GOLIM4: variants seen among roughly 807,000 people sequenced by gnomAD.
GOLIM4 encodes the protein golgi integral membrane protein 4, also known as 130 kDa golgi-localized phosphoprotein.
Under a neutral mutation model 107.4 loss-of-function variants are expected in GOLIM4, and 71 were observed. The ratio of observed to expected loss-of-function variants is 0.66; its 90% confidence interval spans 0.55 to 0.81. GOLIM4 has a LOEUF of 0.81. GOLIM4 is among the 30% of genes least tolerant of loss of function. The pLI, the probability that GOLIM4 is intolerant of heterozygous loss-of-function variation, is 0.00. For missense variants in GOLIM4, 830 were observed against 826.1 expected (o/e 1.00, Z -0.06); for synonymous variants, 327 against 294.8 (o/e 1.11, Z -1.12).
At chr3:168,072,041 T>C (rs1720859725) in intron 1 of GOLIM4, among the ~76,000 whole-genome samples, 1 of 152,112 alleles carries the variant, frequency 6.6e-6, no homozygotes. Flanking sequence ...GGACTCTGGA[T>C]TTCCCATAGG....
At chr3:168,094,944 C>G (rs1722093752) in intron 1 of GOLIM4, among the ~76,000 whole-genome samples, 155 bp downstream of exon 1, 1 of 152,196 alleles carries the variant, frequency 6.6e-6, no homozygotes, top group African/African-American at 2.4e-5. Flanking sequence ...CCCTGACACT[C>G]TGGTGCCGGC....
At chr3:168,064,912 G>C (rs1450360896) in intron 1 of GOLIM4, among the ~76,000 whole-genome samples, 4 of 151,248 alleles carry the variant, frequency 2.6e-5, no homozygotes, top group Non-Finnish European at 1.5e-5. Context: ...TTAGATTAAA[G>C]CTACCGAATA....
chr3:168,013,221 A>T (rs200003154), intron 14 of GOLIM4, among the ~76,000 whole-genome samples: 1 of 150,488 alleles, frequency 6.6e-6, no homozygotes, highest in Non-Finnish European at 1.5e-5. Context: ...GAAAACAAAA[A>T]AAGGCAGGGG....
intron 1 of GOLIM4, among the ~76,000 whole-genome samples, chr3:168,078,673 A>C (rs1472251172): frequency 6.6e-6 from 1 of 152,180 alleles, no homozygotes; most frequent in African/African-American, 2.4e-5. Context: ...TTTCTAAACC[A>C]GGGTTTTGTT....
intron 14 of GOLIM4, among the ~76,000 whole-genome samples, chr3:168,017,692 A>G (rs984774292): frequency 1.8e-4 from 27 of 152,338 alleles, no homozygotes; most frequent in Non-Finnish European, 3.2e-4. Context: ...CGCTGCCTAC[A>G]TACAATATAG....
At chr3:168,033,083 A>G (rs1051047876) in intron 8 of GOLIM4, among the ~76,000 whole-genome samples, 2 of 152,212 alleles carry the variant, frequency 1.3e-5, no homozygotes, top group Non-Finnish European at 1.5e-5. Flanking sequence ...AGAATACAGT[A>G]AATAACCTGG....
chr3:168,010,941 T>C lies in GOLIM4; in HGVS notation c.1861-118A>G, dbSNP rs996369858. 16 of 770,294 alleles carry C rather than the reference T, an allele frequency of 2.1e-5. No individual in the cohort carries two copies. In the East Asian group the frequency reaches 3.7e-4, roughly 18 times the overall value. The allele number at this position is 770,294 out of a possible 1,614,324, so 47.7% of individuals were successfully genotyped here. ...ATAATATATTTTGATTTCCAAAAAGTTCACTCAAAATAGCAGAAGCAAAAT... is the reference window on the plus strand; with the variant it reads ...ATAATATATTTTGATTTCCAAAAAGCTCACTCAAAATAGCAGAAGCAAAAT... On this transcript the variant is annotated intron_variant, in intron 14 of 15. Transcript: ENST00000470487.
At chr3:168,043,255 C>G (rs774917261) in intron 5 of GOLIM4, 124 bp downstream of exon 5, 14 of 659,584 alleles carry the variant, frequency 2.1e-5, no homozygotes, top group Non-Finnish European at 3.2e-5. Flanking sequence ...GAAAAAGTGA[C>G]TGGTAAAGGA....
chr3:168,081,856 A>G (rs1721386850), intron 1 of GOLIM4, among the ~76,000 whole-genome samples: 1 of 152,190 alleles, frequency 6.6e-6, no homozygotes, highest in Non-Finnish European at 1.5e-5. Flanking sequence ...GCAATTTATT[A>G]AAAGCCATTT....
intron 7 of GOLIM4, among the ~76,000 whole-genome samples, chr3:168,037,453 C>T (rs1718724151): frequency 6.7e-6 from 1 of 149,762 alleles, no homozygotes; most frequent in Admixed American, 6.7e-5. Flanking sequence ...AATACACATA[C>T]ACACACACAC....
chr3:168,066,717 G>C (rs570114874), intron 1 of GOLIM4, among the ~76,000 whole-genome samples: 1 of 151,960 alleles, frequency 6.6e-6, no homozygotes, highest in East Asian at 1.9e-4. Flanking sequence ...GTACTTTGTC[G>C]GTGAACAAGT....
chr3:168,067,435 C>A (rs530993865), intron 1 of GOLIM4, among the ~76,000 whole-genome samples: 2 of 151,242 alleles, frequency 1.3e-5, no homozygotes, highest in Non-Finnish European at 3.0e-5. Context: ...CAAACACACA[C>A]GCACACACAC....
rs544579017 is a variant in GOLIM4, at chr3:168,044,332, T to A, written c.366+496A>T. ...TCTTCCAGCTTGACAGAAACAATGA[T>A]CCTCTTCCTGACACAGAATAATGAG... is the stretch of plus-strand genomic sequence containing the variant. On this transcript the variant is annotated intron_variant, in intron 4 of 15. Transcript: ENST00000470487. Among the ~76,000 whole-genome samples, 215 of 152,220 alleles carry A rather than the reference T, an allele frequency of 1.4e-3. 1 individual carries two copies. The highest frequency in any genetic ancestry group is 5.1e-3 in the African/African-American group (213 of 41,534).
At chr3:168,041,518 T>TC (rs745503244) in intron 5 of GOLIM4, 44 bp from the exon 6 acceptor site, 2 of 926,878 alleles carry the variant, frequency 2.2e-6, no homozygotes, top group South Asian at 2.9e-5. Flanking sequence ...CTTGAAACTT[T>TC]CAGGATTCTG....
intron 1 of GOLIM4, among the ~76,000 whole-genome samples, chr3:168,055,423 C>G (rs1360507152): frequency 6.6e-6 from 1 of 152,134 alleles, no homozygotes; most frequent in African/African-American, 2.4e-5. Flanking sequence ...TGCTTCTGAC[C>G]TAGAGATCTG....
chr3:168,095,335 T>G lies in GOLIM4; in HGVS notation c.-50A>C. 1 of 1,545,190 alleles carries G rather than the reference T, an allele frequency of 6.5e-7. No homozygotes were observed. Among genetic ancestry groups the G allele is most frequent in the Non-Finnish European group, 8.8e-7 (1 of 1,130,640 alleles). On this transcript the variant is annotated 5_prime_UTR_variant, in exon 1 of 16. Coordinates refer to ENST00000470487, the MANE Select transcript of GOLIM4 (RefSeq NM_014498.5). ...GGCCGCCCCCGCCGTCTCCTCCCCT[T>G]GGTCCGAGCGAGCGTCTCAGCAGCG...
At chr3:168,040,546 G>C (rs1718925563) in intron 7 of GOLIM4, among the ~76,000 whole-genome samples, 1 of 152,224 alleles carries the variant, frequency 6.6e-6, no homozygotes. Flanking sequence ...ACTACTGCAT[G>C]TAGGGACGAG....
intron 1 of GOLIM4, among the ~76,000 whole-genome samples, chr3:168,070,512 C>G (rs989250390): frequency 1.3e-5 from 2 of 152,238 alleles, no homozygotes; most frequent in African/African-American, 2.4e-5. Context: ...GGTGTTCACA[C>G]TGTGGCATCA....
intron 5 of GOLIM4, among the ~76,000 whole-genome samples, chr3:168,041,975 A>C (rs956245982): frequency 6.6e-6 from 1 of 152,148 alleles, no homozygotes; most frequent in African/African-American, 2.4e-5. Flanking sequence ...CTCCTGCATG[A>C]CTTTTTGTTG....
Sources: allele counts gnomAD v4.1 joint callset (sites outside exome capture counted in the v4.1 genomes callset), GRCh38; gene constraint gnomAD v4.1.1; transcripts MANE v1.5; gene names NCBI Gene and HGNC (gene_info 2026-07-23, HGNC 2026-07-21).